CSMD1: variants seen among roughly 807,000 people sequenced by gnomAD.
CSMD1 encodes CUB and Sushi multiple domains 1.
A neutral mutation model predicts 417.5 loss-of-function variants in CSMD1; 213 were observed. That is an observed-to-expected ratio of 0.51 (90% confidence interval 0.46 to 0.57). CSMD1 has a LOEUF of 0.57. Ranked by LOEUF, CSMD1 falls within the 20% of genes least tolerant of loss-of-function variation. CSMD1 has a pLI of 0.00. For synonymous variants in CSMD1, 2,862 were observed against 1,736.8 expected (o/e 1.65, Z -16.11); for missense variants, 6,923 against 4,529.7 (o/e 1.53, Z -15.17).
intron 5 of CSMD1, among the ~76,000 whole-genome samples, chr8:3,791,706 C>G (rs1383459103): frequency 1.3e-5 from 2 of 152,010 alleles, no homozygotes; most frequent in Non-Finnish European, 2.9e-5. Context: ...ACCTGTAATC[C>G]CAGCAACTCA....
At chr8:3,461,498 G>T (rs74434222) in intron 12 of CSMD1, among the ~76,000 whole-genome samples, 5,189 of 152,278 alleles carry the variant, frequency 0.034, 164 homozygotes, top group East Asian at 0.15. Context: ...TCCACCCCAG[G>T]AGCTGATTGA....
At chr8:3,254,737 C>G (rs918699380) in intron 26 of CSMD1, among the ~76,000 whole-genome samples, 1 of 152,112 alleles carries the variant, frequency 6.6e-6, no homozygotes, top group Middle Eastern at 3.2e-3. Context: ...CCTTTAAGGA[C>G]TTCTGTGCAT....
In CSMD1 at chr8:3,338,481, A is replaced by C. The variant is rs565908236; in HGVS notation, c.3631+4813T>G. 3.2e-4 allele frequency among the ~76,000 whole-genome samples: 48 copies of C among 152,352 alleles called. No individual in the cohort carries two copies. In the South Asian group the frequency reaches 8.5e-3, roughly 27 times the overall value. Reference sequence around the variant, plus strand: ...TGAGGGGACCAATTCAGGATCCCCCAAAAATGAAAATTCAGCAGGGATGAG... The same window carrying C: ...TGAGGGGACCAATTCAGGATCCCCCCAAAATGAAAATTCAGCAGGGATGAG... On this transcript the variant is annotated intron_variant, in intron 23 of 69. Coordinates refer to ENST00000635120, the MANE Select transcript of CSMD1 (RefSeq NM_033225.6).
At chr8:3,786,602 C>G (rs971188298) in intron 5 of CSMD1, among the ~76,000 whole-genome samples, 1 of 152,148 alleles carries the variant, frequency 6.6e-6, no homozygotes, top group Non-Finnish European at 1.5e-5. Context: ...CTGTTGGGCT[C>G]TCTCAGCAAA....
rs550659469 is a variant in CSMD1 at position 3,689,607 on chromosome 8, C to T, written c.1009+18807G>A. Reference sequence around the variant, plus strand: ...TTCAGTTCACTCTTAGTCCACTGAACAGAAATATTTAGAGTGTGCTTACTA... The same window carrying T: ...TTCAGTTCACTCTTAGTCCACTGAATAGAAATATTTAGAGTGTGCTTACTA... On this transcript the variant is annotated intron_variant, in intron 7 of 69. Coordinates refer to ENST00000635120, the MANE Select transcript of CSMD1 (RefSeq NM_033225.6). Among the ~76,000 whole-genome samples the T allele has an allele frequency of 3.0e-4, 45 of 152,254 alleles. No individual in the cohort carries two copies. The South Asian group carries it at 8.9e-3, about 30-fold the overall frequency.
chr8:3,656,923 T>TAAA (rs5888980), intron 7 of CSMD1, among the ~76,000 whole-genome samples: 1,521 of 142,556 alleles, frequency 0.011, 50 homozygotes, highest in East Asian at 0.074. Flanking sequence ...AGACTCTGTC[T>TAAA]AAAAAAAAAA....
intron 5 of CSMD1, among the ~76,000 whole-genome samples, chr8:3,808,870 G>T (rs184281663): frequency 3.3e-5 from 5 of 152,166 alleles, no homozygotes; most frequent in African/African-American, 1.2e-4. Flanking sequence ...GTCTCAATGA[G>T]AATTCTGAAG....
At chr8:3,838,626 A>C (rs897682200) in intron 5 of CSMD1, among the ~76,000 whole-genome samples, 1 of 132,948 alleles carries the variant, frequency 7.5e-6, no homozygotes, top group Non-Finnish European at 1.5e-5. Context: ...TAAATAAATT[A>C]ATATATAATA....
chr8:4,737,626 A>G (rs1810332007), intron 1 of CSMD1, among the ~76,000 whole-genome samples: 1 of 152,152 alleles, frequency 6.6e-6, no homozygotes, highest in Non-Finnish European at 1.5e-5. Flanking sequence ...TATTTTACAC[A>G]TTTTTTACCA....
chr8:3,513,562 T>C (rs1797166635), intron 10 of CSMD1, among the ~76,000 whole-genome samples: 1 of 152,122 alleles, frequency 6.6e-6, no homozygotes, highest in African/African-American at 2.4e-5. Flanking sequence ...GTTCTGTCCT[T>C]TGGGAGAATC....
At chr8:4,024,182 T>C (rs186904198) in intron 4 of CSMD1, among the ~76,000 whole-genome samples, 12 of 152,234 alleles carry the variant, frequency 7.9e-5, no homozygotes, top group Non-Finnish European at 1.5e-4. Context: ...TTCCAGTTCA[T>C]AAATATAACA....
At chr8:3,924,065 T>G (rs907384685) in intron 5 of CSMD1, among the ~76,000 whole-genome samples, 1 of 152,246 alleles carries the variant, frequency 6.6e-6, no homozygotes, top group Non-Finnish European at 1.5e-5. Context: ...TTAGCGTTTC[T>G]TGCAGGGTAT....
At chr8:4,798,131 T>G (rs1339791132) in intron 1 of CSMD1, among the ~76,000 whole-genome samples, 2 of 152,226 alleles carry the variant, frequency 1.3e-5, no homozygotes, top group African/African-American at 4.8e-5. Flanking sequence ...TCATTTACAT[T>G]AGGTATATCT....
chr8:4,119,804 G>A (rs1052264015), intron 3 of CSMD1, among the ~76,000 whole-genome samples: 2 of 152,166 alleles, frequency 1.3e-5, no homozygotes, highest in Non-Finnish European at 2.9e-5. Context: ...AACGTTCTAC[G>A]ATGCAATTTA....
At chr8:4,725,015 G>C (rs373793666) in intron 1 of CSMD1, among the ~76,000 whole-genome samples, 2 of 152,044 alleles carry the variant, frequency 1.3e-5, no homozygotes, top group Non-Finnish European at 2.9e-5. Context: ...GAAAGAACAC[G>C]TTTTAAATAT....
At chr8:3,271,984 T>C (rs1346053722) in intron 26 of CSMD1, among the ~76,000 whole-genome samples, 1 of 152,050 alleles carries the variant, frequency 6.6e-6, no homozygotes, top group African/African-American at 2.4e-5. Context: ...CTTTTTGTGT[T>C]TGAGACATGC....
chr8:3,461,695 T>C (rs2117155309), intron 12 of CSMD1, among the ~76,000 whole-genome samples: 1 of 152,332 alleles, frequency 6.6e-6, no homozygotes. Flanking sequence ...CCATCATCCT[T>C]GCAGGAGGAC....
intron 7 of CSMD1, among the ~76,000 whole-genome samples, chr8:3,622,628 T>C (rs921605738): frequency 1.3e-5 from 2 of 152,186 alleles, no homozygotes; most frequent in African/African-American, 4.8e-5. Context: ...CCTGAATGGA[T>C]TGCAGATGGT....
chr8:3,612,962 A>C (rs1171355528), intron 8 of CSMD1, among the ~76,000 whole-genome samples: 1 of 152,092 alleles, frequency 6.6e-6, no homozygotes, highest in Non-Finnish European at 1.5e-5. Context: ...AGAGAAACTA[A>C]ACAATACAGA....
Sources: gnomAD v4.1 joint callset for allele counts (sites outside exome capture counted in the v4.1 genomes callset) on GRCh38, gnomAD v4.1.1 for gene constraint, MANE v1.5 for transcripts, NCBI Gene and HGNC (gene_info 2026-07-23, HGNC 2026-07-21) for gene names.